Variants in GPC5 observed in about 807,000 individuals in gnomAD.
The protein encoded by GPC5 is glypican-5.
GPC5 carries 47 observed loss-of-function variants against 53.9 expected under a neutral mutation model. The ratio of observed to expected loss-of-function variants is 0.87; its 90% CI spans 0.69 to 1.11. The LOEUF (loss-of-function observed/expected upper bound fraction) is 1.11, where lower values mean the gene tolerates loss of function less well. GPC5 is among the 50% of genes most tolerant of loss of function. GPC5 has a pLI of 0.00. For synonymous variants in GPC5, 286 were observed against 263.3 expected (o/e 1.09, Z -0.84); for missense variants, 748 against 713.1 (o/e 1.05, Z -0.56).
chr13:92,214,968 T>G (rs9589455), intron 7 of GPC5, among the ~76,000 whole-genome samples: 4,549 of 152,262 alleles, frequency 0.03, 225 homozygotes, highest in African/African-American at 0.1. Flanking sequence ...CTCTCTGCTC[T>G]TGAGCCGCCA....
At position 91,736,599 on chromosome 13, in the gene GPC5, A is replaced by G. The variant is rs776748347; in HGVS notation, c.1154+7934A>G. On this transcript the variant is annotated intron_variant, in intron 4 of 7. Transcript: ENST00000377067. The stretch of plus-strand genomic sequence containing the variant: ...CCCATTAATTAAAATAAAAGGAAAG[A>G]TTACTTAAAAAAATAGACAAGGAAA... 1.8e-4 allele frequency among the ~76,000 whole-genome samples: 27 copies of G among 151,458 alleles called. 1 individual carries two copies. The highest frequency in any genetic ancestry group is 3.1e-4 in the Non-Finnish European group (21 of 68,022).
intron 7 of GPC5, among the ~76,000 whole-genome samples, chr13:92,641,972 T>G (rs879622310): frequency 4.6e-5 from 6 of 130,502 alleles, no homozygotes; most frequent in Non-Finnish European, 1.1e-4. Flanking sequence ...CTGAAATTTT[T>G]TCTTATTCTG....
intron 7 of GPC5, among the ~76,000 whole-genome samples, chr13:92,838,941 A>G (rs1029259121): frequency 3.9e-5 from 6 of 152,214 alleles, no homozygotes; most frequent in Non-Finnish European, 7.3e-5. Flanking sequence ...CACAATACTC[A>G]TACTTGGCAA....
chr13:92,681,277 G>C (rs1415413629), intron 7 of GPC5, among the ~76,000 whole-genome samples: 1 of 152,050 alleles, frequency 6.6e-6, no homozygotes, highest in Non-Finnish European at 1.5e-5. Context: ...ATAAACAGTT[G>C]TAGTATTGTT....
At chr13:91,588,922 C>A (rs571626548) in intron 2 of GPC5, among the ~76,000 whole-genome samples, 120 of 152,266 alleles carry the variant, frequency 7.9e-4, no homozygotes, top group African/African-American at 2.8e-3. Flanking sequence ...TTTCTGCATA[C>A]TGTATGGATT....
intron 6 of GPC5, among the ~76,000 whole-genome samples, chr13:91,986,159 A>G (rs944136090): frequency 3.0e-5 from 4 of 132,328 alleles, no homozygotes; most frequent in African/African-American, 5.9e-5. Context: ...TCCGCCTCCC[A>G]GGTTCATACC....
chr13:92,738,833 C>T (rs992109394), intron 7 of GPC5, among the ~76,000 whole-genome samples: 1 of 152,078 alleles, frequency 6.6e-6, no homozygotes, highest in Non-Finnish European at 1.5e-5. Flanking sequence ...TTGCATATCA[C>T]CCCCTTGAGA....
At chr13:92,833,364 A>G (rs1878115964) in intron 7 of GPC5, among the ~76,000 whole-genome samples, 1 of 152,196 alleles carries the variant, frequency 6.6e-6, no homozygotes, top group East Asian at 1.9e-4. Context: ...TTTCAGATAA[A>G]CAAATTGATA....
At chr13:92,229,298 G>A (rs1246876453) in intron 7 of GPC5, among the ~76,000 whole-genome samples, 1 of 151,998 alleles carries the variant, frequency 6.6e-6, no homozygotes, top group East Asian at 1.9e-4. Context: ...TTGAAATACT[G>A]TATTGATGAG....
intron 5 of GPC5, among the ~76,000 whole-genome samples, chr13:91,892,824 A>G (rs2039401742): frequency 1.3e-5 from 2 of 152,086 alleles, no homozygotes; most frequent in South Asian, 4.1e-4. Context: ...ACTTAATTCA[A>G]CACAACAAAA....
intron 7 of GPC5, among the ~76,000 whole-genome samples, chr13:92,628,260 CTTTCTTTTTTTT>C (rs1885114525): frequency 1.9e-4 from 7 of 37,552 alleles, no homozygotes; most frequent in African/African-American, 5.8e-4. Flanking sequence ...TTTTCTTTTT[CTTTCTTTTTTTT>C]TTTTTTTTTT....
intron 7 of GPC5, among the ~76,000 whole-genome samples, chr13:92,623,098 G>A (rs748788419): frequency 1.3e-4 from 20 of 152,040 alleles, no homozygotes; most frequent in Non-Finnish European, 2.5e-4. Context: ...CCTGGGAGGC[G>A]GGGGTTGCAG....
In GPC5 at chr13:92,684,890, T is replaced by C. The variant is rs147880556; in HGVS notation, c.1562-181392T>C. 8.6e-3 allele frequency among the ~76,000 whole-genome samples: 1,316 copies of C among 152,330 alleles called. 14 individuals carry two copies. The highest frequency in any genetic ancestry group is 0.013 in the Non-Finnish European group (907 of 68,020). On this transcript the variant is annotated intron_variant, in intron 7 of 7. Coordinates refer to ENST00000377067, the MANE Select transcript of GPC5 (RefSeq NM_004466.6). ...TAAGAATTATTTCTGCTCATTGTTT[T>C]ACCAGCACTCAGTAGTATTGGTATT...
chr13:92,327,055 T>C (rs927984041), intron 7 of GPC5, among the ~76,000 whole-genome samples: 4 of 152,138 alleles, frequency 2.6e-5, no homozygotes, highest in Non-Finnish European at 5.9e-5. Context: ...ATCCTGAGAA[T>C]TAATGTTTAT....
intron 2 of GPC5, among the ~76,000 whole-genome samples, chr13:91,542,371 G>A (rs1042295746): frequency 1.3e-5 from 2 of 152,192 alleles, no homozygotes; most frequent in Admixed American, 6.5e-5. Flanking sequence ...GAAACTGTGA[G>A]GCAAATCTCT....
chr13:91,955,646 C>A (rs1332915515), intron 6 of GPC5, among the ~76,000 whole-genome samples: 1 of 152,164 alleles, frequency 6.6e-6, no homozygotes, highest in Admixed American at 6.5e-5. Context: ...AGCCCCTCAA[C>A]CCTCATGGGC....
At chr13:92,677,287 T>C (rs1566359076) in intron 7 of GPC5, among the ~76,000 whole-genome samples, 1 of 152,182 alleles carries the variant, frequency 6.6e-6, no homozygotes, top group Non-Finnish European at 1.5e-5. Context: ...ACATCACTAA[T>C]TTTATTTATG....
intron 7 of GPC5, among the ~76,000 whole-genome samples, chr13:92,278,572 T>C (rs1374347311): frequency 1.3e-5 from 2 of 152,074 alleles, no homozygotes; most frequent in Non-Finnish European, 2.9e-5. Flanking sequence ...ATTTATTTTT[T>C]CTTTTGTTGT....
At chr13:91,694,587 T>C (rs2035839580) in intron 3 of GPC5, among the ~76,000 whole-genome samples, 1 of 152,210 alleles carries the variant, frequency 6.6e-6, no homozygotes, top group Non-Finnish European at 1.5e-5. Context: ...CATAGAACCA[T>C]TTTTCTAAAT....
Sources: gnomAD v4.1 joint callset for allele counts (sites outside exome capture counted in the v4.1 genomes callset) on GRCh38, gnomAD v4.1.1 for gene constraint, MANE v1.5 for transcripts, NCBI Gene and HGNC (gene_info 2026-07-23, HGNC 2026-07-21) for gene names.